Variants in NBAS observed in about 807,000 individuals in gnomAD.
NBAS encodes NBAS subunit of NRZ tethering complex.
Under a neutral mutation model 302.5 loss-of-function variants are expected in NBAS, and 219 were observed. The ratio of observed to expected loss-of-function variants is 0.72; its 90% confidence interval spans 0.65 to 0.81. The LOEUF (loss-of-function observed/expected upper bound fraction) is 0.81. NBAS is among the 30% of genes least tolerant of loss of function. The probability of loss-of-function intolerance (pLI) is 0.00; values close to 1 mark genes in which losing one functional copy is unlikely to be tolerated. For synonymous variants in NBAS, 1,118 were observed against 1,021.6 expected (o/e 1.09, Z -1.80); for missense variants, 2,932 against 2,841.6 (o/e 1.03, Z -0.72).
intron 48 of NBAS, among the ~76,000 whole-genome samples, chr2:15,211,846 A>G (rs748073478): frequency 1.3e-5 from 2 of 152,196 alleles, no homozygotes; most frequent in Non-Finnish European, 2.9e-5. Flanking sequence ...ACTAGGACAC[A>G]TTAAGGCCAT....
At chr2:14,985,457 A>G in the NBAS span, among the ~76,000 whole-genome samples, 9 of 152,256 alleles carry the variant, frequency 5.9e-5, no homozygotes, top group Admixed American at 1.3e-4. Context: ...GACGATAGGA[A>G]GTAAAGCTTC....
intron 11 of NBAS, among the ~76,000 whole-genome samples, chr2:15,497,711 G>A (rs1681120566): frequency 6.6e-6 from 1 of 152,002 alleles, no homozygotes; most frequent in Non-Finnish European, 1.5e-5. Flanking sequence ...GGACTTCTTG[G>A]GATCTGAAAG....
At chr2:15,513,602 C>T (rs997530544) in intron 9 of NBAS, among the ~76,000 whole-genome samples, 10 of 149,288 alleles carry the variant, frequency 6.7e-5, no homozygotes, top group Non-Finnish European at 1.3e-4. Context: ...AATAAATGGC[C>T]TGGGTTTTTT....
intron 35 of NBAS, among the ~76,000 whole-genome samples, chr2:15,344,201 T>C (rs1672983199): frequency 6.6e-6 from 1 of 151,728 alleles, no homozygotes; most frequent in Non-Finnish European, 1.5e-5. Context: ...AGATAGCACA[T>C]ATATAGGAAT....
At chr2:14,958,349 G>A in the NBAS span, among the ~76,000 whole-genome samples, 4 of 152,148 alleles carry the variant, frequency 2.6e-5, no homozygotes, top group Non-Finnish European at 4.4e-5. Flanking sequence ...TGGATTTAAC[G>A]ATCTCTAACT....
chr2:15,088,118 G>C, the NBAS span, among the ~76,000 whole-genome samples: 4 of 152,200 alleles, frequency 2.6e-5, no homozygotes, highest in Non-Finnish European at 4.4e-5. Context: ...GAGAGGCTGG[G>C]TGGGCAGGTC....
the NBAS span, among the ~76,000 whole-genome samples, chr2:14,856,948 T>G: frequency 6.6e-6 from 1 of 152,120 alleles, no homozygotes. Flanking sequence ...AAGAAAACTA[T>G]GAGAAATAAG....
the NBAS span, among the ~76,000 whole-genome samples, chr2:15,113,216 T>C: frequency 1.3e-5 from 2 of 152,014 alleles, no homozygotes; most frequent in African/African-American, 4.8e-5. Context: ...AGAACAAGAA[T>C]TTTCTGTGTG....
chr2:14,980,789 A>C, the NBAS span, among the ~76,000 whole-genome samples: 11 of 152,240 alleles, frequency 7.2e-5, no homozygotes, highest in African/African-American at 2.4e-4. Flanking sequence ...CTGTTTAAAA[A>C]TATAATTAAT....
intron 42 of NBAS, among the ~76,000 whole-genome samples, chr2:15,278,024 G>GA (rs1431433775): frequency 1.3e-5 from 2 of 152,062 alleles, no homozygotes; most frequent in Non-Finnish European, 2.9e-5. Context: ...AAGCATCTGG[G>GA]GGCAGTAAGT....
At chr2:15,036,020 A>G in the NBAS span, among the ~76,000 whole-genome samples, 122,195 of 152,064 alleles carry the variant, frequency 0.8, 49,637 homozygotes, top group East Asian at 1. Flanking sequence ...TAAAGTATGC[A>G]CATATTTTAA....
chr2:15,383,129 C>T, intron 29 of NBAS, 86 bp downstream of exon 29: 2 of 1,134,412 alleles, frequency 1.8e-6, no homozygotes, highest in Non-Finnish European at 2.6e-6. Context: ...TCCAGGGTAG[C>T]TTATGGTCAT....
chr2:15,034,027 G>GAAGAAGA, the NBAS span, among the ~76,000 whole-genome samples: 5,703 of 63,604 alleles, frequency 0.09, 523 homozygotes, highest in East Asian at 0.21. Flanking sequence ...AGAAGAAGAA[G>GAAGAAGA]AGGAGGAGGA....
chr2:14,899,007 C>A, the NBAS span, among the ~76,000 whole-genome samples: 1 of 152,158 alleles, frequency 6.6e-6, no homozygotes, highest in African/African-American at 2.4e-5. Flanking sequence ...AAATGGGTCT[C>A]ATCTGGAAGC....
At chr2:14,900,491 T>C in the NBAS span, among the ~76,000 whole-genome samples, 129 of 152,386 alleles carry the variant, frequency 8.5e-4, no homozygotes, top group Non-Finnish European at 1.0e-4. Context: ...ACTGAAATTC[T>C]ATTCATCCTT....
intron 8 of NBAS, 35 bp from the exon 9 acceptor site, chr2:15,534,676 A>G (rs751922162): frequency 2.8e-6 from 4 of 1,404,242 alleles, no homozygotes; most frequent in East Asian, 2.3e-5. Flanking sequence ...AGTAAATACC[A>G]TTAAACCACA....
At chr2:15,166,903 G>T, downstream of NBAS, 6 of 1,093,032 alleles carry the variant, frequency 5.5e-6, no homozygotes, top group Non-Finnish European at 5.0e-6. Context: ...TTAAAAAAGC[G>T]GCAGCTTGCT....
chr2:15,179,197 C>A (rs562810776), intron 50 of NBAS, 81 bp from the exon 51 acceptor site: 5 of 1,605,804 alleles, frequency 3.1e-6, no homozygotes, highest in Admixed American at 1.7e-5. Context: ...CATTCCACCC[C>A]TTTTTCTGTG....
intron 6 of NBAS, among the ~76,000 whole-genome samples, chr2:15,539,857 T>TATAC (rs1553335283): frequency 2.7e-5 from 4 of 150,820 alleles, no homozygotes; most frequent in African/African-American, 7.3e-5. Context: ...TATATATATA[T>TATAC]ACACACACAC....
Sources: allele counts gnomAD v4.1 joint callset (sites outside exome capture counted in the v4.1 genomes callset), GRCh38; gene constraint gnomAD v4.1.1; transcripts MANE v1.5; gene names NCBI Gene and HGNC (gene_info 2026-07-23, HGNC 2026-07-21).